The following FHIT variants were observed in gnomAD, a reference collection of about 807,000 sequenced individuals.
FHIT encodes the protein fragile histidine triad diadenosine triphosphatase.
Under a neutral mutation model 17.9 loss-of-function variants are expected in FHIT, and 19 were observed. The ratio of observed to expected loss-of-function variants is 1.06; its 90% CI spans 0.74 to 1.56. FHIT has a LOEUF of 1.56. Ranked by LOEUF, FHIT falls within the 40% of genes most tolerant of loss-of-function variation. The pLI is 0.00. For missense variants in FHIT, 248 were observed against 189.2 expected, an observed-to-expected ratio of 1.31 and a Z score of -1.82; for synonymous variants, 81 against 69.7, an observed-to-expected ratio of 1.16 and a Z score of -0.81.
intron 4 of FHIT, among the ~76,000 whole-genome samples, chr3:60,623,720 T>A (rs2039199943): frequency 6.6e-6 from 1 of 152,194 alleles, no homozygotes; most frequent in Non-Finnish European, 1.5e-5. Context: ...AGAAATGGAC[T>A]GTCATGGTAG....
At chr3:60,056,909 C>A (rs1702105302) in intron 5 of FHIT, among the ~76,000 whole-genome samples, 1 of 152,164 alleles carries the variant, frequency 6.6e-6, no homozygotes, top group Non-Finnish European at 1.5e-5. Flanking sequence ...ATTCACAGAA[C>A]AGATGGAGCG....
rs571464352 is a variant in FHIT, at chr3:60,095,691, T to C, written c.104-81539A>G. On this transcript the variant is annotated intron_variant, in intron 5 of 9. Transcript: ENST00000492590. ...ATGTTTTTCTAGATAATCGGCCTCA[T>C]TGTAAGTTAAAGAATCAAACATAAA... 1.1e-4 allele frequency among the ~76,000 whole-genome samples: 16 copies of C among 152,300 alleles called. No homozygotes were observed. The East Asian group carries it at 2.9e-3, about 28-fold the overall frequency.
chr3:61,133,619 A>G (rs1432709954), intron 2 of FHIT, among the ~76,000 whole-genome samples: 1 of 152,198 alleles, frequency 6.6e-6, no homozygotes, highest in African/African-American at 2.4e-5. Context: ...GGAAGAGAGG[A>G]GAGTCACTGC....
At chr3:60,499,668 C>T (rs1200716147) in intron 5 of FHIT, among the ~76,000 whole-genome samples, 3 of 152,112 alleles carry the variant, frequency 2.0e-5, no homozygotes, top group Admixed American at 6.6e-5. Flanking sequence ...CATGAGCCAC[C>T]GCGCCCGGCC....
At chr3:60,409,510 C>T (rs1701990728) in intron 5 of FHIT, among the ~76,000 whole-genome samples, 1 of 152,160 alleles carries the variant, frequency 6.6e-6, no homozygotes, top group South Asian at 2.1e-4. Flanking sequence ...ATATTTATAG[C>T]TGTAATGAGA....
At chr3:60,257,624 G>A (rs1023782977) in intron 5 of FHIT, among the ~76,000 whole-genome samples, 8 of 152,212 alleles carry the variant, frequency 5.3e-5, no homozygotes, top group African/African-American at 7.2e-5. Flanking sequence ...AGGGGAGCAG[G>A]AGGAGGACAA....
intron 5 of FHIT, among the ~76,000 whole-genome samples, chr3:60,342,747 C>T (rs1358829478): frequency 6.6e-6 from 1 of 152,122 alleles, no homozygotes; most frequent in Non-Finnish European, 1.5e-5. Context: ...AAAATATTGT[C>T]TGGAGATACT....
At chr3:60,544,672 C>T (rs1263319085) in intron 4 of FHIT, among the ~76,000 whole-genome samples, 2 of 149,352 alleles carry the variant, frequency 1.3e-5, no homozygotes, top group African/African-American at 5.0e-5. Context: ...TCTGGGCTCA[C>T]TGCAAACTCC....
chr3:60,620,492 A>G lies in FHIT; in HGVS notation c.-17-83513T>C, dbSNP rs2039090209. Among the ~76,000 whole-genome samples the G allele has an allele frequency of 3.9e-5, 6 of 152,268 alleles. No homozygotes were observed. The South Asian group carries it at 1.2e-3, about 32-fold the overall frequency. On this transcript the variant is annotated intron_variant, in intron 4 of 9. Transcript: ENST00000492590. ...AGAAATGAGCTGTTGAGCCACAGAA[A>G]GACATGGAGTTACTTTACAGGCATA...
chr3:60,019,282 G>T (rs2106724438), intron 5 of FHIT, among the ~76,000 whole-genome samples: 1 of 152,048 alleles, frequency 6.6e-6, no homozygotes, highest in Admixed American at 6.5e-5. Context: ...AAAAGGAGGA[G>T]TGGAAAGATG....
intron 7 of FHIT, among the ~76,000 whole-genome samples, chr3:59,999,397 C>A (rs1699641629): frequency 6.6e-6 from 1 of 152,136 alleles, no homozygotes; most frequent in Non-Finnish European, 1.5e-5. Flanking sequence ...AAGTTAAGCT[C>A]TTCTAGGGCC....
chr3:60,101,170 C>T (rs1423487222), intron 5 of FHIT, among the ~76,000 whole-genome samples: 1 of 152,222 alleles, frequency 6.6e-6, no homozygotes, highest in Non-Finnish European at 1.5e-5. Context: ...AAGGGCTTGA[C>T]ACAAATGTAA....
intron 1 of FHIT, among the ~76,000 whole-genome samples, chr3:61,212,715 T>A (rs891642438): frequency 6.6e-6 from 1 of 151,990 alleles, no homozygotes; most frequent in Non-Finnish European, 1.5e-5. Context: ...TTCACCAAAG[T>A]TGAAATGAAG....
chr3:59,985,647 T>C (rs2107449446), intron 7 of FHIT, among the ~76,000 whole-genome samples: 1 of 152,286 alleles, frequency 6.6e-6, no homozygotes, highest in East Asian at 1.9e-4. Flanking sequence ...CTGTGAGTAC[T>C]CAATTTCACT....
chr3:60,339,422 G>T (rs1227903915), intron 5 of FHIT, among the ~76,000 whole-genome samples: 1 of 152,150 alleles, frequency 6.6e-6, no homozygotes, highest in Non-Finnish European at 1.5e-5. Context: ...TGGAAGATAA[G>T]AAAATTAACT....
chr3:60,123,999 T>G (rs1327688114), intron 5 of FHIT, among the ~76,000 whole-genome samples: 3,403 of 29,650 alleles, frequency 0.11, 150 homozygotes, highest in Non-Finnish European at 0.16. Flanking sequence ...TATATATATA[T>G]ATATATATAT....
Position 60,861,089 on chromosome 3 carries a change from T to C in FHIT, c.-110-39078A>G, listed in dbSNP as rs189003092. 1.7e-4 allele frequency among the ~76,000 whole-genome samples: 16 copies of C among 93,666 alleles called. 2 individuals carry two copies. Among genetic ancestry groups the C allele is most frequent in the African/African-American group, 5.6e-4 (15 of 26,612 alleles). 61.4% of individuals were successfully genotyped at this position (93,666 alleles called of 152,430 possible). On this transcript the variant is annotated intron_variant, in intron 3 of 9. Transcript: ENST00000492590. ...GTATATATGATGTACGTCATATATA[T>C]CAGATATCATATATACACATATATC...
intron 5 of FHIT, among the ~76,000 whole-genome samples, chr3:60,322,161 T>C (rs545274667): frequency 3.5e-4 from 54 of 152,244 alleles, no homozygotes; most frequent in Non-Finnish European, 5.0e-4. Context: ...TATGCTTTTC[T>C]GGGCAATTAT....
intron 8 of FHIT, among the ~76,000 whole-genome samples, chr3:59,809,192 C>T (rs764031866): frequency 5.3e-5 from 8 of 151,982 alleles, no homozygotes; most frequent in Non-Finnish European, 8.8e-5. Context: ...GGAAAGAGGT[C>T]TTGGGAGATG....
Sources: gnomAD v4.1 joint callset for allele counts (sites outside exome capture counted in the v4.1 genomes callset) on GRCh38, gnomAD v4.1.1 for gene constraint, MANE v1.5 for transcripts, NCBI Gene and HGNC (gene_info 2026-07-23, HGNC 2026-07-21) for gene names.